Variants in PREX1 observed in about 807,000 individuals in gnomAD.
PREX1 encodes the protein phosphatidylinositol 3,4,5-trisphosphate-dependent Rac exchanger 1 protein.
In PREX1, 41 loss-of-function variants were observed where a neutral mutation model predicts 198.3. The ratio of observed to expected loss-of-function variants is 0.21; its 90% CI spans 0.16 to 0.27. The LOEUF (loss-of-function observed/expected upper bound fraction) is 0.27, where lower values mean the gene tolerates loss of function less well. Among genes scored for constraint, PREX1 ranks in the 10% least tolerant of loss-of-function variants. PREX1 has a pLI of 1.00. For missense variants in PREX1, 1,620 were observed against 2,200.7 expected, an observed-to-expected ratio of 0.74 and a Z score of 5.28; for synonymous variants, 843 against 887.2, an observed-to-expected ratio of 0.95 and a Z score of 0.89.
At chr20:48,734,748 A>G in intron 3 of PREX1, 98 bp from the exon 4 acceptor site, 1 of 983,022 alleles carries the variant, frequency 1.0e-6, no homozygotes, top group Admixed American at 1.8e-5. Context: ...AGGGGTAAGG[A>G]CTACCCTGAC....
Position 48,684,941 on chromosome 20 carries a change from C to T in PREX1, c.1335-3606G>A, listed in dbSNP as rs1001641064. On this transcript the variant is annotated intron_variant, in intron 10 of 39. Transcript: ENST00000371941. The surrounding 1 kb of genome is among the most constrained non-coding windows in gnomAD (Gnocchi z 4.2). ...CACACCCTCTCATGGCTGGCTCTTGCTTGTCTTTCAGATCGTGGTTAAATG... is the reference window on the plus strand; with the variant it reads ...CACACCCTCTCATGGCTGGCTCTTGTTTGTCTTTCAGATCGTGGTTAAATG... 6.6e-6 allele frequency among the ~76,000 whole-genome samples: 1 copy of T among 152,242 alleles called. No homozygotes were observed. The highest frequency in any genetic ancestry group is 2.4e-5 in the African/African-American group (1 of 41,460).
At chr20:48,733,646 T>C (rs1473407539) in intron 4 of PREX1, among the ~76,000 whole-genome samples, 1 of 152,186 alleles carries the variant, frequency 6.6e-6, no homozygotes, top group African/African-American at 2.4e-5. Context: ...CTGCCATCTC[T>C]GTAGCCCTCT....
chr20:48,756,112 T>C (rs1306946603), intron 1 of PREX1, among the ~76,000 whole-genome samples: 1 of 152,182 alleles, frequency 6.6e-6, no homozygotes, highest in East Asian at 1.9e-4. Flanking sequence ...AGATTTACCT[T>C]CTGCAGAAGA....
At position 48,726,276 on chromosome 20, in the gene PREX1, CG is replaced by C; in HGVS notation, c.621+13del. 1 of 1,603,128 alleles carries C rather than the reference CG, an allele frequency of 6.2e-7. No homozygotes were observed. Among genetic ancestry groups the C allele is most frequent in the Non-Finnish European group, 8.5e-7 (1 of 1,171,052 alleles). On this transcript the variant is annotated intron_variant, in intron 5 of 39. Coordinates refer to ENST00000371941, the MANE Select transcript of PREX1 (RefSeq NM_020820.4). ...AAAGAGTTTTCTGTCACTTCAAATA[CG>C]GGAAAGTCTCACCTTAAGGAGGAGC...
intron 1 of PREX1, among the ~76,000 whole-genome samples, chr20:48,779,824 A>T (rs114288039): frequency 0.011 from 1,645 of 152,274 alleles, 26 homozygotes; most frequent in African/African-American, 0.037. Context: ...GGGAGAGGAA[A>T]TGGATGAGTG....
At chr20:48,752,529 GAAGT>G (rs1226078308) in intron 1 of PREX1, among the ~76,000 whole-genome samples, 1 of 152,214 alleles carries the variant, frequency 6.6e-6, no homozygotes, top group African/African-American at 2.4e-5. Flanking sequence ...AGGTGCGGAA[GAAGT>G]AAGACTGCCT....
At chr20:48,830,070 A>C (rs1165348182), upstream of PREX1, among the ~76,000 whole-genome samples, 1 of 152,208 alleles carries the variant, frequency 6.6e-6, no homozygotes, top group African/African-American at 2.4e-5. Context: ...CTGAGAATCA[A>C]AAATGTCTCC....
chr20:48,674,753 AAGG>A (rs1424756205), intron 14 of PREX1, among the ~76,000 whole-genome samples: 2 of 152,232 alleles, frequency 1.3e-5, no homozygotes, highest in African/African-American at 4.8e-5. Flanking sequence ...CTGAGCAATA[AAGG>A]AGAAGAGACA....
intron 1 of PREX1, among the ~76,000 whole-genome samples, chr20:48,825,250 C>T (rs1326233638): frequency 6.6e-6 from 1 of 152,148 alleles, no homozygotes; most frequent in Non-Finnish European, 1.5e-5. Flanking sequence ...TTACACAATC[C>T]GTCTGTTTCT....
chr20:48,637,727 G>A lies in PREX1; in HGVS notation c.3930C>T (p.Ala1310=), dbSNP rs2089376148. 6.2e-7 allele frequency: 1 copy of A among 1,612,314 alleles called. No homozygotes were observed. The highest frequency in any genetic ancestry group is 8.5e-7 in the Non-Finnish European group (1 of 1,179,444). The change falls in exon 31 of 40, where the codon GCC becomes GCT. Residue 1310 remains alanine, a synonymous_variant. Coordinates refer to ENST00000371941, the MANE Select transcript of PREX1 (RefSeq NM_020820.4). Reference sequence around the variant, plus strand: ...AGGCCTCACCTGTGCACTTCAGCAAGGCCAGGAGCAGCTGGTTCTTCCCAT... The same window carrying A: ...AGGCCTCACCTGTGCACTTCAGCAAAGCCAGGAGCAGCTGGTTCTTCCCAT... The part of the protein sequence containing the change: ...VEDGKNQLLL[A]LLKCTDTELQ...
the PREX1 span, among the ~76,000 whole-genome samples, chr20:48,843,564 A>G: frequency 1.3e-5 from 2 of 152,242 alleles, no homozygotes; most frequent in African/African-American, 4.8e-5. Context: ...AAGGGCAAAC[A>G]TGATCAAGTT....
intron 1 of PREX1, among the ~76,000 whole-genome samples, chr20:48,780,451 T>C (rs539825081): frequency 1.4e-3 from 209 of 152,060 alleles, no homozygotes; most frequent in Non-Finnish European, 2.7e-3. Flanking sequence ...GACCCATCTC[T>C]ACCATCTCTA....
chr20:48,717,140 G>A (rs541485976), intron 5 of PREX1, among the ~76,000 whole-genome samples: 1 of 152,276 alleles, frequency 6.6e-6, no homozygotes, highest in South Asian at 2.1e-4. Flanking sequence ...AGCTGCAATT[G>A]TCACTGGAAG....
the PREX1 span, among the ~76,000 whole-genome samples, chr20:48,841,780 C>T: frequency 6.6e-6 from 1 of 152,194 alleles, no homozygotes; most frequent in African/African-American, 2.4e-5. Context: ...TGCATGAAGA[C>T]TACCTTCTTC....
the PREX1 span, among the ~76,000 whole-genome samples, chr20:48,846,866 C>A: frequency 6.6e-5 from 10 of 152,318 alleles, no homozygotes; most frequent in African/African-American, 2.4e-4. Context: ...CACCCACCCA[C>A]GTGCCTCACT....
rs920007663 is a variant in PREX1, at chr20:48,691,177, C to A, written c.1037-81G>T. 2.4e-5 allele frequency: 38 copies of A among 1,572,658 alleles called. No homozygotes were observed. Among genetic ancestry groups the A allele is most frequent in the Non-Finnish European group, 3.3e-5 (38 of 1,146,656 alleles). On this transcript the variant is annotated intron_variant, in intron 8 of 39. Transcript: ENST00000371941. This position sits in a 1 kb window ranked among gnomAD's most constrained non-coding sequence, Gnocchi z 5.0. ...ACTCCCCATTGCCAAGCCCTTCCGC[C>A]CCAGCACAGGCAGGGCCCTCGCCTG...
At chr20:48,733,070 G>A (rs1476446552) in intron 4 of PREX1, among the ~76,000 whole-genome samples, 1 of 152,224 alleles carries the variant, frequency 6.6e-6, no homozygotes, top group Non-Finnish European at 1.5e-5. Flanking sequence ...CTGCAAAGCA[G>A]ACAAATGTTT....
At chr20:48,647,095 C>T (rs1302295653) in intron 25 of PREX1, among the ~76,000 whole-genome samples, 7 of 151,950 alleles carry the variant, frequency 4.6e-5, no homozygotes, top group Admixed American at 4.6e-4. Context: ...CCAGGCATGG[C>T]GGCATGTGCC....
chr20:48,839,915 C>A, the PREX1 span, among the ~76,000 whole-genome samples: 3 of 152,190 alleles, frequency 2.0e-5, no homozygotes, highest in African/African-American at 7.2e-5. Flanking sequence ...GACTACTGAT[C>A]GCTAACAGTC....
Sources: allele counts gnomAD v4.1 joint callset (sites outside exome capture counted in the v4.1 genomes callset), GRCh38; gene constraint gnomAD v4.1.1; non-coding constraint Gnocchi (gnomAD v3.1); transcripts MANE v1.5; gene names NCBI Gene and HGNC (gene_info 2026-07-23, HGNC 2026-07-21).